Variants in LRBA observed in about 807,000 individuals in gnomAD.
LRBA encodes LPS responsive beige-like anchor protein.
Under a neutral mutation model 330.0 loss-of-function variants are expected in LRBA, and 176 were observed. That is an observed-to-expected ratio of 0.53 (90% CI 0.47 to 0.60). The LOEUF (loss-of-function observed/expected upper bound fraction) is 0.60, where lower values mean the gene tolerates loss of function less well. LRBA is among the 20% of genes least tolerant of loss of function. The probability of loss-of-function intolerance (pLI) is 0.00; values close to 1 mark genes in which losing one functional copy is unlikely to be tolerated. For missense variants in LRBA, 3,259 were observed against 3,444.8 expected, an observed-to-expected ratio of 0.95 and a Z score of 1.35; for synonymous variants, 1,230 against 1,193.0, an observed-to-expected ratio of 1.03 and a Z score of -0.64.
At chr4:150,642,772 GAC>G (rs1047169046) in intron 37 of LRBA, among the ~76,000 whole-genome samples, 2 of 151,714 alleles carry the variant, frequency 1.3e-5, no homozygotes, top group African/African-American at 4.8e-5. Context: ...ACAGTTATAA[GAC>G]AGATAATTAA....
intron 40 of LRBA, among the ~76,000 whole-genome samples, chr4:150,559,616 T>C (rs1767822191): frequency 9.8e-6 from 1 of 102,390 alleles, no homozygotes; most frequent in Admixed American, 1.7e-4. Flanking sequence ...ATTTATATAT[T>C]GTATTATTTT....
chr4:150,364,214 T>G (rs1739112926), intron 47 of LRBA, among the ~76,000 whole-genome samples: 2 of 152,158 alleles, frequency 1.3e-5, no homozygotes, highest in African/African-American at 4.8e-5. Context: ...TTGGGGGAAA[T>G]GCACTGTCCA....
At chr4:150,539,616 A>G (rs1253584956) in intron 40 of LRBA, among the ~76,000 whole-genome samples, 1 of 152,230 alleles carries the variant, frequency 6.6e-6, no homozygotes, top group Non-Finnish European at 1.5e-5. Context: ...CTTAAACAAT[A>G]TATCTGCTCT....
At chr4:150,913,324 G>C (rs1732220453) in intron 9 of LRBA, among the ~76,000 whole-genome samples, 1 of 152,222 alleles carries the variant, frequency 6.6e-6, no homozygotes, top group East Asian at 1.9e-4. Context: ...AAAATTAGCT[G>C]GGTGCAGTGC....
intron 47 of LRBA, among the ~76,000 whole-genome samples, chr4:150,364,996 G>C (rs1739247071): frequency 6.6e-6 from 1 of 150,840 alleles, no homozygotes; most frequent in Admixed American, 6.6e-5. Flanking sequence ...CAGAGAGAAA[G>C]TGTGTGTGTG....
intron 44 of LRBA, among the ~76,000 whole-genome samples, chr4:150,440,568 G>A (rs1751688036): frequency 6.6e-6 from 1 of 152,052 alleles, no homozygotes; most frequent in Non-Finnish European, 1.5e-5. Flanking sequence ...TTGAGCCCAG[G>A]AGTTTGAGAC....
chr4:150,505,785 T>C (rs1040812832), intron 40 of LRBA, among the ~76,000 whole-genome samples: 1 of 152,020 alleles, frequency 6.6e-6, no homozygotes, highest in African/African-American at 2.4e-5. Flanking sequence ...AATTAATGAA[T>C]CCAGGAGTTG....
At chr4:150,795,933 C>T (rs1740715123) in intron 34 of LRBA, among the ~76,000 whole-genome samples, 1 of 151,888 alleles carries the variant, frequency 6.6e-6, no homozygotes, top group Non-Finnish European at 1.5e-5. Context: ...GGCTGATTGT[C>T]ATGAAATTAA....
At chr4:150,844,244 TTC>T in intron 27 of LRBA, 37 bp from the exon 28 acceptor site, 1 of 1,001,372 alleles carries the variant, frequency 1.0e-6, no homozygotes, top group Non-Finnish European at 1.5e-6. Flanking sequence ...TATATATATA[TTC>T]ATATATACAT....
chr4:150,764,638 C>A (rs1217983660), intron 34 of LRBA, among the ~76,000 whole-genome samples: 2 of 151,926 alleles, frequency 1.3e-5, no homozygotes, highest in Admixed American at 1.3e-4. Context: ...TGACACCTCA[C>A]CAAAGAAGAT....
intron 30 of LRBA, among the ~76,000 whole-genome samples, chr4:150,825,515 C>T (rs942387102): frequency 4.6e-5 from 7 of 152,132 alleles, no homozygotes; most frequent in South Asian, 2.1e-4. Flanking sequence ...TACAGGCACC[C>T]GCCACCACGC....
At chr4:150,450,893 G>T (rs1454157271) in intron 44 of LRBA, among the ~76,000 whole-genome samples, 1 of 151,988 alleles carries the variant, frequency 6.6e-6, no homozygotes, top group African/African-American at 2.4e-5. Flanking sequence ...TAGCTGGGCA[G>T]GGTGGCACAT....
intron 13 of LRBA, among the ~76,000 whole-genome samples, chr4:150,901,162 GA>G (rs1424338823): frequency 6.6e-6 from 1 of 152,070 alleles, no homozygotes; most frequent in African/African-American, 2.4e-5. Flanking sequence ...AGCCGGGCGT[GA>G]TGGTACACAC....
intron 37 of LRBA, among the ~76,000 whole-genome samples, chr4:150,624,951 A>T (rs1199232192): frequency 2.0e-5 from 3 of 152,176 alleles, no homozygotes. Context: ...AGAAAGAAAC[A>T]CTCATTTTAT....
intron 37 of LRBA, among the ~76,000 whole-genome samples, chr4:150,620,783 T>A (rs1776215620): frequency 6.6e-6 from 1 of 152,082 alleles, no homozygotes; most frequent in East Asian, 1.9e-4. Flanking sequence ...CAGAGTGATA[T>A]AATGGACTAT....
chr4:150,392,620 C>T (rs1744144058), intron 47 of LRBA, among the ~76,000 whole-genome samples: 1 of 152,068 alleles, frequency 6.6e-6, no homozygotes. Flanking sequence ...TGATTTGGCT[C>T]TCTGCTTGTC....
chr4:150,538,404 G>A (rs1412553938), intron 40 of LRBA, among the ~76,000 whole-genome samples: 1 of 152,126 alleles, frequency 6.6e-6, no homozygotes, highest in Non-Finnish European at 1.5e-5. Context: ...CAGCAACAGT[G>A]GGGTTGATAA....
At chr4:150,672,352 CTTTTTTTTT>C (rs111964361) in intron 37 of LRBA, among the ~76,000 whole-genome samples, 1 of 141,298 alleles carries the variant, frequency 7.1e-6, no homozygotes, top group Non-Finnish European at 1.6e-5. Flanking sequence ...TCGATTTTTT[CTTTTTTTTT>C]TTTAGAAGAT....
intron 34 of LRBA, among the ~76,000 whole-genome samples, chr4:150,783,081 G>C (rs565564518): frequency 1.7e-4 from 26 of 152,250 alleles, no homozygotes; most frequent in African/African-American, 6.0e-4. Flanking sequence ...GGGCAGCTGA[G>C]CTTCTTGTGA....
Sources: allele counts gnomAD v4.1 joint callset (sites outside exome capture counted in the v4.1 genomes callset), GRCh38; gene constraint gnomAD v4.1.1; transcripts MANE v1.5; gene names NCBI Gene and HGNC (gene_info 2026-07-23, HGNC 2026-07-21).